Variants in CSNK1G1 observed in about 807,000 individuals in gnomAD.
CSNK1G1 encodes casein kinase I isoform gamma-1.
Under a neutral mutation model 59.6 loss-of-function variants are expected in CSNK1G1, and 22 were observed. That is an observed-to-expected ratio of 0.37 (90% CI 0.26 to 0.53). The LOEUF (loss-of-function observed/expected upper bound fraction) is 0.53. Among genes scored for constraint, CSNK1G1 ranks in the 20% least tolerant of loss-of-function variants. CSNK1G1 has a pLI of 0.89. For synonymous variants in CSNK1G1, 179 were observed against 177.1 expected, an observed-to-expected ratio of 1.01 and a Z score of -0.08; for missense variants, 384 against 519.5, an observed-to-expected ratio of 0.74 and a Z score of 2.54.
intron 1 of CSNK1G1, among the ~76,000 whole-genome samples, chr15:64,343,097 A>G (rs970682042): frequency 6.6e-6 from 1 of 152,102 alleles, no homozygotes; most frequent in Non-Finnish European, 1.5e-5. Context: ...CTGTAATCCC[A>G]GCTATTCGGG....
chr15:64,317,660 C>G (rs558047869), intron 1 of CSNK1G1, among the ~76,000 whole-genome samples: 1 of 151,780 alleles, frequency 6.6e-6, no homozygotes, highest in Non-Finnish European at 1.5e-5. Context: ...CATCACCCAC[C>G]TAATTTTTAA....
rs1567362270 is a variant in CSNK1G1, at chr15:64,188,483, A to G, written c.1108-8029T>C. On this transcript the variant is annotated intron_variant, in intron 10 of 11. Coordinates refer to ENST00000303052, the MANE Select transcript of CSNK1G1 (RefSeq NM_022048.5). This position sits in a 1 kb window ranked among gnomAD's most constrained non-coding sequence, Gnocchi z 4.2. The stretch of plus-strand genomic sequence containing the variant: ...ACTCTCCTCGGCGCTCTGATGATAC[A>G]TTCTGCTTAGGCGTTAGAAAGCATG... 1 of 1,535,722 alleles carries G rather than the reference A, an allele frequency of 6.5e-7. No homozygotes were observed. The highest frequency in any genetic ancestry group is 8.7e-7 in the Non-Finnish European group (1 of 1,146,540).
At chr15:64,189,528 A>C (rs2081941891) in intron 10 of CSNK1G1, 1 of 1,148,150 alleles carries the variant, frequency 8.7e-7, no homozygotes. Flanking sequence ...ATGAGGGATT[A>C]GTAAATCAAA....
chr15:64,277,333 G>C (rs1476786035), intron 2 of CSNK1G1, among the ~76,000 whole-genome samples: 1 of 151,772 alleles, frequency 6.6e-6, no homozygotes, highest in Non-Finnish European at 1.5e-5. Flanking sequence ...AGGCATTGTG[G>C]TGCACCCTTC....
At position 64,216,773 on chromosome 15, in the gene CSNK1G1, T is replaced by G; in HGVS notation, c.293-60A>C. ...GAGACACAAAAGCCAAAATATGAGA[T>G]AACAGTATTAGCACTGAATAAAATA... On this transcript the variant is annotated intron_variant, in intron 4 of 11. Transcript: ENST00000303052. The surrounding 1 kb of genome is among the most constrained non-coding windows in gnomAD (Gnocchi z 4.6). 2.8e-6 allele frequency: 4 copies of G among 1,418,620 alleles called. No homozygotes were observed. The highest frequency in any genetic ancestry group is 4.0e-6 in the Non-Finnish European group (4 of 1,011,152). The allele number at this position is 1,418,620 out of a possible 1,614,324, so 87.9% of individuals were successfully genotyped here.
chr15:64,219,041 G>A (rs967456613), intron 4 of CSNK1G1, among the ~76,000 whole-genome samples: 1 of 151,834 alleles, frequency 6.6e-6, no homozygotes, highest in Non-Finnish European at 1.5e-5. Flanking sequence ...TTTTAGTAGA[G>A]ACAGCGTTCC....
chr15:64,300,992 C>T (rs1453332966), intron 1 of CSNK1G1, among the ~76,000 whole-genome samples: 6 of 152,070 alleles, frequency 3.9e-5, no homozygotes, highest in Non-Finnish European at 8.8e-5. Flanking sequence ...GTATCTATGA[C>T]CAAAAAGAAA....
chr15:64,230,584 T>G (rs1035576600), intron 4 of CSNK1G1, among the ~76,000 whole-genome samples: 1 of 152,178 alleles, frequency 6.6e-6, no homozygotes, highest in African/African-American at 2.4e-5. Flanking sequence ...TAAATCTTCT[T>G]TGGTCCCTAT....
At chr15:64,189,577 G>A in intron 10 of CSNK1G1, 3 of 653,652 alleles carry the variant, frequency 4.6e-6, no homozygotes, top group Non-Finnish European at 6.2e-6. Context: ...CAGGGGTTAG[G>A]ATGTGATATT....
chr15:64,295,217 T>C (rs999379259), intron 2 of CSNK1G1, among the ~76,000 whole-genome samples: 1 of 152,218 alleles, frequency 6.6e-6, no homozygotes, highest in East Asian at 1.9e-4. Context: ...ATTTACTATC[T>C]CAATTAACTC....
Position 64,169,050 on chromosome 15 carries a change from A to C in CSNK1G1, c.*2881T>G. The C allele has an allele frequency of 6.6e-6, 1 of 152,536 alleles. No individual in the cohort carries two copies. The highest frequency in any genetic ancestry group is 2.1e-4 in the South Asian group (1 of 4,828). The allele number at this position is 152,536 out of a possible 1,614,324, so 9.4% of individuals were successfully genotyped here. A position where few individuals can be genotyped will look rare whatever the true frequency, so the allele number is the denominator to read the frequency against. On this transcript the variant is annotated 3_prime_UTR_variant, in exon 12 of 12. Transcript: ENST00000303052. ...AGTCCCCTACAACTGATCCAGTAAA[A>C]ATTTTAAGACAAAAAAAAAGTCGCA...
At chr15:64,190,666 G>C (rs758482011) in intron 10 of CSNK1G1, among the ~76,000 whole-genome samples, 1 of 151,716 alleles carries the variant, frequency 6.6e-6, no homozygotes, top group African/African-American at 2.4e-5. Context: ...CACCCGCCTC[G>C]GCCTCCCAAA....
At chr15:64,197,465 T>C (rs746979814) in intron 10 of CSNK1G1, among the ~76,000 whole-genome samples, 2 of 152,342 alleles carry the variant, frequency 1.3e-5, no homozygotes, top group Non-Finnish European at 2.9e-5. Context: ...TTGCCATCTC[T>C]AGTAATAGTA....
At chr15:64,182,551 C>A (rs1034519435) in intron 10 of CSNK1G1, among the ~76,000 whole-genome samples, 1 of 152,102 alleles carries the variant, frequency 6.6e-6, no homozygotes, top group Admixed American at 6.6e-5. Flanking sequence ...CTGGGGACAA[C>A]TGGAATTAGG....
At chr15:64,177,392 C>T (rs2081753820) in intron 11 of CSNK1G1, among the ~76,000 whole-genome samples, 1 of 152,182 alleles carries the variant, frequency 6.6e-6, no homozygotes, top group South Asian at 2.1e-4. Context: ...ACAGGGCTAC[C>T]CTTTCCTTGC....
At chr15:64,246,496 G>A (rs28437739) in intron 4 of CSNK1G1, among the ~76,000 whole-genome samples, 6,007 of 151,980 alleles carry the variant, frequency 0.04, 362 homozygotes, top group African/African-American at 0.13. Context: ...GGTGCATTGC[G>A]CCTGTAGTCC....
chr15:64,246,764 A>G (rs774527787), intron 4 of CSNK1G1, among the ~76,000 whole-genome samples: 1 of 151,986 alleles, frequency 6.6e-6, no homozygotes, highest in Non-Finnish European at 1.5e-5. Context: ...GGGAGCCTAG[A>G]CTTAGAAATT....
chr15:64,219,518 G>C (rs2082357665), intron 4 of CSNK1G1, among the ~76,000 whole-genome samples: 1 of 152,054 alleles, frequency 6.6e-6, no homozygotes. Context: ...GAGGGCAGTG[G>C]TATGACCATG....
chr15:64,217,158 A>G (rs1162210000), intron 4 of CSNK1G1, among the ~76,000 whole-genome samples: 1 of 152,228 alleles, frequency 6.6e-6, no homozygotes, highest in Non-Finnish European at 1.5e-5. Flanking sequence ...GGCTATTTGG[A>G]ACTGTTGCCC....
Sources: allele counts gnomAD v4.1 joint callset (sites outside exome capture counted in the v4.1 genomes callset), GRCh38; gene constraint gnomAD v4.1.1; non-coding constraint Gnocchi (gnomAD v3.1); transcripts MANE v1.5; gene names NCBI Gene and HGNC (gene_info 2026-07-23, HGNC 2026-07-21).